The following TOX3 variants were observed in gnomAD, a reference collection of about 807,000 sequenced individuals.
TOX3 encodes CAG trinucleotide repeat-containing gene F9 protein.
TOX3 carries 22 observed loss-of-function variants against 64.3 expected under a neutral mutation model. The ratio of observed to expected loss-of-function variants is 0.34; its 90% CI spans 0.24 to 0.49. The LOEUF (loss-of-function observed/expected upper bound fraction) is 0.49. Among genes scored for constraint, TOX3 ranks in the 20% least tolerant of loss-of-function variants. The pLI is 0.99. For missense variants in TOX3, 661 were observed against 714.4 expected, an observed-to-expected ratio of 0.93 and a Z score of 0.85; for synonymous variants, 291 against 273.6, an observed-to-expected ratio of 1.06 and a Z score of -0.63.
rs868436952 is a variant in TOX3, at chr16:52,440,761, T to C, written c.988-793A>G. Among the ~76,000 whole-genome samples, 128 of 121,952 alleles carry C rather than the reference T, an allele frequency of 1.0e-3. 1 individual carries two copies. The Middle Eastern group carries it at 0.027, about 25-fold the overall frequency. The allele number at this position is 121,952 out of a possible 152,430, so 80.0% of individuals were successfully genotyped here. ...GTATTTTTCTTTCTTTCTTTTTTTT[T>C]TTTTTTTTTTTTTTTTTGAGGTGGA... On this transcript the variant is annotated intron_variant, in intron 6 of 6. Transcript: ENST00000219746.
chr16:52,519,135 C>T (rs547338228), intron 1 of TOX3, among the ~76,000 whole-genome samples: 12 of 152,268 alleles, frequency 7.9e-5, no homozygotes, highest in Admixed American at 5.2e-4. Flanking sequence ...CCTGTTCTAG[C>T]GCTAAATGCA....
intron 3 of TOX3, among the ~76,000 whole-genome samples, chr16:52,452,586 G>A (rs544485872): frequency 4.6e-5 from 7 of 151,788 alleles, no homozygotes; most frequent in South Asian, 2.1e-4. Flanking sequence ...GCTAAATGAC[G>A]AGTTAATGGG....
intron 1 of TOX3, among the ~76,000 whole-genome samples, chr16:52,517,086 T>C (rs1439876954): frequency 6.6e-6 from 1 of 152,114 alleles, no homozygotes; most frequent in Admixed American, 6.5e-5. Flanking sequence ...ACACAATATG[T>C]TAAGAAATGA....
At chr16:52,464,425 GT>G (rs1287437439) in intron 2 of TOX3, among the ~76,000 whole-genome samples, 1 of 152,188 alleles carries the variant, frequency 6.6e-6, no homozygotes, top group African/African-American at 2.4e-5. Context: ...AGTATTAACA[GT>G]TTTTTAATGC....
chr16:52,481,485 A>T (rs1434728115), intron 1 of TOX3, among the ~76,000 whole-genome samples: 1 of 152,220 alleles, frequency 6.6e-6, no homozygotes, highest in South Asian at 2.1e-4. Context: ...TAAACCAAAT[A>T]CCTAAAGCCT....
At chr16:52,496,082 A>G (rs982526531) in intron 1 of TOX3, among the ~76,000 whole-genome samples, 2 of 152,220 alleles carry the variant, frequency 1.3e-5, no homozygotes, top group Non-Finnish European at 2.9e-5. Context: ...ATAAAATAGT[A>G]ACTGGGAGCT....
chr16:52,517,166 AT>A (rs1962481606), intron 1 of TOX3, among the ~76,000 whole-genome samples: 4 of 152,202 alleles, frequency 2.6e-5, no homozygotes, highest in Admixed American at 2.0e-4. Context: ...CATAACTATC[AT>A]TTACCAACAT....
intron 1 of TOX3, among the ~76,000 whole-genome samples, chr16:52,536,116 T>C (rs1056949831): frequency 6.6e-6 from 1 of 152,224 alleles, no homozygotes; most frequent in Admixed American, 6.5e-5. Context: ...AAATGTGAGA[T>C]GTACCATGTG....
intron 1 of TOX3, among the ~76,000 whole-genome samples, chr16:52,545,325 T>G (rs1241448872): frequency 6.6e-6 from 1 of 152,214 alleles, no homozygotes; most frequent in African/African-American, 2.4e-5. Context: ...GGCCCCTCTG[T>G]GCCAGACGCT....
At chr16:52,486,238 C>T (rs745429410) in intron 1 of TOX3, among the ~76,000 whole-genome samples, 2 of 152,012 alleles carry the variant, frequency 1.3e-5, no homozygotes, top group African/African-American at 4.8e-5. Context: ...GACCAAGACA[C>T]GGATCCCAAA....
chr16:52,490,433 T>C (rs1961648084), intron 1 of TOX3, among the ~76,000 whole-genome samples: 1 of 152,144 alleles, frequency 6.6e-6, no homozygotes, highest in Non-Finnish European at 1.5e-5. Flanking sequence ...TTTCCATTTG[T>C]CATTTATATT....
At chr16:52,483,251 A>G (rs1181873357) in intron 1 of TOX3, among the ~76,000 whole-genome samples, 4 of 152,232 alleles carry the variant, frequency 2.6e-5, no homozygotes, top group African/African-American at 9.6e-5. Context: ...ATCTTAATGC[A>G]CAACTGAAAA....
intron 1 of TOX3, among the ~76,000 whole-genome samples, chr16:52,539,989 G>A (rs921701545): frequency 1.4e-4 from 22 of 151,880 alleles, no homozygotes; most frequent in Non-Finnish European, 2.4e-4. Context: ...TCCTACTCCC[G>A]GTCTCTCCTA....
rs1596766478 is a variant in TOX3 at position 52,439,852 on chromosome 16, C to T, written c.1104G>A (p.Val368=). 6.2e-7 allele frequency: 1 copy of T among 1,613,842 alleles called. No homozygotes were observed. Among genetic ancestry groups the T allele is most frequent in the East Asian group, 2.2e-5 (1 of 44,848 alleles). Reference sequence around the variant, plus strand: ...GCTGGAGAGTCTGAGGTGATGCTGACACTGTTCCATGTTGAGACAGTGGAG... The same window carrying T: ...GCTGGAGAGTCTGAGGTGATGCTGATACTGTTCCATGTTGAGACAGTGGAG... ...LNTPLSQHGT[V]SASPQTLQQS... Residue 368 remains valine (V), a synonymous_variant, in exon 7 of 7, where the codon GTG becomes GTA. Coordinates refer to ENST00000219746, the MANE Select transcript of TOX3 (RefSeq NM_001080430.4).
intron 1 of TOX3, among the ~76,000 whole-genome samples, chr16:52,489,204 T>C (rs1961608713): frequency 6.6e-6 from 1 of 152,162 alleles, no homozygotes; most frequent in African/African-American, 2.4e-5. Flanking sequence ...CTCCACTGTT[T>C]CTTCCTAGCA....
At chr16:52,501,710 A>T (rs955519594) in intron 1 of TOX3, among the ~76,000 whole-genome samples, 4 of 152,098 alleles carry the variant, frequency 2.6e-5, no homozygotes, top group African/African-American at 9.7e-5. Context: ...AGAATTACTA[A>T]TATTTTCTTC....
Position 52,464,043 on chromosome 16 carries a change from C to G in TOX3, c.299G>C (p.Ser100Thr). 1 of 1,602,274 alleles carries G rather than the reference C, an allele frequency of 6.2e-7. No individual in the cohort carries two copies. ...AGGGGGAAACTGGGGTGTGAATTCA[C>G]TTCCCTGGGAAGGCAATGGATCGCT... ...ALSDPLPSQG[S>T]EFTPQFPPQS... Residue 100 changes from serine to threonine, a missense_variant, in exon 3 of 7, where the codon AGT (serine) becomes ACT (threonine). By Grantham distance (58) the Ser-to-Thr change is moderately conservative. This residue lies in a region of TOX3 where 259 missense variants were observed against 261.2 expected (regional missense o/e 0.99). Coordinates refer to ENST00000219746, the MANE Select transcript of TOX3 (RefSeq NM_001080430.4).
intron 3 of TOX3, among the ~76,000 whole-genome samples, chr16:52,457,237 G>C (rs75700335): frequency 0.014 from 2,152 of 152,172 alleles, 34 homozygotes; most frequent in African/African-American, 0.039. Context: ...GCAAATCTAA[G>C]ATATAAGCTT....
At chr16:52,546,268 T>C (rs1963182089) in intron 1 of TOX3, among the ~76,000 whole-genome samples, 1 of 152,130 alleles carries the variant, frequency 6.6e-6, no homozygotes, top group South Asian at 2.1e-4. Flanking sequence ...GACCCCTGCG[T>C]AGCCCCCACT....
Sources: allele counts gnomAD v4.1 joint callset (sites outside exome capture counted in the v4.1 genomes callset), GRCh38; gene constraint gnomAD v4.1.1; regional missense constraint gnomAD v4.1.1; transcripts MANE v1.5; gene names NCBI Gene and HGNC (gene_info 2026-07-23, HGNC 2026-07-21).